Variants in C2CD3 observed in about 807,000 individuals in gnomAD.
The protein encoded by C2CD3 is C2 domain-containing protein 3.
In C2CD3, 148 loss-of-function variants were observed where a neutral mutation model predicts 234.0. The ratio of observed to expected loss-of-function variants is 0.63; its 90% CI spans 0.55 to 0.72. The LOEUF (loss-of-function observed/expected upper bound fraction) is 0.72. Among genes scored for constraint, C2CD3 ranks in the 30% least tolerant of loss-of-function variants. C2CD3 has a pLI of 0.00. For missense variants in C2CD3, 2,577 were observed against 2,811.5 expected, an observed-to-expected ratio of 0.92 and a Z score of 1.89; for synonymous variants, 1,000 against 1,035.4, an observed-to-expected ratio of 0.97 and a Z score of 0.66.
Position 74,100,612 on chromosome 11 carries a change from T to C in C2CD3, c.2645A>G (p.Glu882Gly), listed in dbSNP as rs749971308. ...ERLKNNVMVIETWNKVRSPGQ... is the reference protein window; with the variant it reads ...ERLKNNVMVIGTWNKVRSPGQ... Reference sequence around the variant, plus strand: ...TGGGCTCCGCACCTTATTCCAAGTTTCAATTACCATCACATTGTTCTTAAG... The same window carrying C: ...TGGGCTCCGCACCTTATTCCAAGTTCCAATTACCATCACATTGTTCTTAAG... Residue 882 changes from glutamate (E) to glycine (G), a missense_variant, in exon 15 of 33, where the codon GAA (glutamate) becomes GGA (glycine). Glu to Gly is a moderately conservative substitution (Grantham distance 98, BLOSUM62 -2). Transcript: ENST00000334126. 1 of 1,614,052 alleles carries C rather than the reference T, an allele frequency of 6.2e-7. No homozygotes were observed. The highest frequency in any genetic ancestry group is 1.3e-5 in the African/African-American group (1 of 75,046).
chr11:74,113,593 T>A lies in C2CD3; in HGVS notation c.1843+187A>T, dbSNP rs548253492. On this transcript the variant is annotated intron_variant, in intron 11 of 32. Coordinates refer to ENST00000334126, the MANE Select transcript of C2CD3 (RefSeq NM_001286577.2). ...TACTCAGGAGGCTGAGATGGGAGAA[T>A]CACTTGAACCCGGGAGGTGGAGGCT... is the stretch of plus-strand genomic sequence containing the variant. The A allele has an allele frequency of 3.5e-5, 20 of 577,012 alleles. No individual in the cohort carries two copies. The East Asian group carries it at 6.1e-4, about 17-fold the overall frequency. The allele number at this position is 577,012 out of a possible 1,614,324, so 35.7% of individuals were successfully genotyped here. A position where few individuals can be genotyped will look rare whatever the true frequency, so the allele number is the denominator to read the frequency against.
At position 74,154,595 on chromosome 11, in the gene C2CD3, T is replaced by C. The variant is rs1179426906; in HGVS notation, c.483+6804A>G. Among the ~76,000 whole-genome samples the C allele has an allele frequency of 7.9e-5, 12 of 151,810 alleles. No individual in the cohort carries two copies. In the East Asian group the frequency reaches 2.3e-3, roughly 29 times the overall value. ...AACAATCCACAGAAAGTATCGGGGG[T>C]TGATACATTTTCCTATGAATAGGCC... is the stretch of plus-strand genomic sequence containing the variant. On this transcript the variant is annotated intron_variant, in intron 3 of 32. Transcript: ENST00000334126.
At chr11:74,035,700 G>A (rs1387324419) in intron 30 of C2CD3, among the ~76,000 whole-genome samples, 2 of 151,494 alleles carry the variant, frequency 1.3e-5, no homozygotes, top group Non-Finnish European at 2.9e-5. Context: ...GCAGGGGCAG[G>A]CTTTTGCTGT....
At chr11:74,117,501 A>G (rs183458418) in intron 9 of C2CD3, among the ~76,000 whole-genome samples, 57 of 151,198 alleles carry the variant, frequency 3.8e-4, no homozygotes, top group African/African-American at 1.4e-3. Flanking sequence ...AGAAAACCAA[A>G]TATCATATGT....
chr11:74,135,326 G>A lies in C2CD3; in HGVS notation c.956-1769C>T, dbSNP rs575222662. On this transcript the variant is annotated intron_variant, in intron 5 of 32. Coordinates refer to ENST00000334126, the MANE Select transcript of C2CD3 (RefSeq NM_001286577.2). Reference sequence around the variant, plus strand: ...TCTGTTACCCAGGCTAGAGTGCACTGGCATGATCATGACTCACTGGAGCCT... The same window carrying A: ...TCTGTTACCCAGGCTAGAGTGCACTAGCATGATCATGACTCACTGGAGCCT... Among the ~76,000 whole-genome samples, 39 of 150,276 alleles carry A rather than the reference G, an allele frequency of 2.6e-4. 1 individual carries two copies. In the South Asian group the frequency reaches 8.0e-3, roughly 31 times the overall value.
intron 5 of C2CD3, among the ~76,000 whole-genome samples, chr11:74,134,247 C>T (rs1236593707): frequency 2.0e-5 from 3 of 152,228 alleles, no homozygotes; most frequent in East Asian, 1.9e-4. Context: ...AAGTTGTACA[C>T]GCAATACATC....
intron 22 of C2CD3, among the ~76,000 whole-genome samples, chr11:74,084,155 C>A (rs1021571800): frequency 1.3e-5 from 2 of 152,074 alleles, no homozygotes; most frequent in African/African-American, 4.8e-5. Flanking sequence ...GACATGGATG[C>A]AGCTGGAAAC....
chr11:74,068,893 C>G (rs953119442), intron 24 of C2CD3, among the ~76,000 whole-genome samples: 1 of 152,210 alleles, frequency 6.6e-6, no homozygotes, highest in African/African-American at 2.4e-5. Flanking sequence ...GCAACCTCCA[C>G]CTCCTGGGTT....
chr11:74,085,768 C>T lies in C2CD3; in HGVS notation c.3760G>A (p.Ala1254Thr). The T allele has an allele frequency of 4.3e-6, 7 of 1,614,054 alleles. No individual in the cohort carries two copies. Among genetic ancestry groups the T allele is most frequent in the Non-Finnish European group, 5.9e-6 (7 of 1,180,008 alleles). ...QGEQRRTHPV[A>T]CSFCPEFSHH... ...GAGAACTCAGGGCAGAAAGAACAGG[C>T]CACAGGGTGGGTTCGGCGCTGTTCT... The change falls in exon 21 of 33, where the codon GCC becomes ACC. Residue 1254 changes from alanine to threonine, a missense_variant. Physicochemically the swap from Ala to Thr is moderately conservative, Grantham distance 58 (BLOSUM62 0). Coordinates refer to ENST00000334126, the MANE Select transcript of C2CD3 (RefSeq NM_001286577.2).
chr11:74,035,599 C>G (rs1249642915), intron 30 of C2CD3, among the ~76,000 whole-genome samples: 3 of 152,102 alleles, frequency 2.0e-5, no homozygotes. Flanking sequence ...AAAAAAACCC[C>G]ACTCAGTAAC....
chr11:74,130,188 G>A (rs1957613244), intron 7 of C2CD3, among the ~76,000 whole-genome samples: 2 of 149,100 alleles, frequency 1.3e-5, no homozygotes, highest in Admixed American at 6.6e-5. Flanking sequence ...GATCCATTTT[G>A]AGTTAATTTT....
intron 8 of C2CD3, among the ~76,000 whole-genome samples, chr11:74,121,346 C>A (rs1032501008): frequency 6.6e-6 from 1 of 152,104 alleles, no homozygotes; most frequent in Non-Finnish European, 1.5e-5. Flanking sequence ...ATGGCTCACA[C>A]CTGTAATCCC....
chr11:74,123,445 C>T (rs1957289951), intron 7 of C2CD3, among the ~76,000 whole-genome samples: 1 of 152,094 alleles, frequency 6.6e-6, no homozygotes, highest in Admixed American at 6.6e-5. Flanking sequence ...TAAGCTAACA[C>T]AATCTGTACT....
rs1390289420 is a variant in C2CD3, at chr11:74,098,107, C to A, written c.2881G>T (p.Ala961Ser). The change falls in exon 16 of 33, where the codon GCA (alanine) becomes TCA (serine). Residue 961 changes from alanine to serine, a missense_variant. Transcript: ENST00000334126. Reference sequence around the variant, plus strand: ...TCTTCATTCTTTAATCTTTGTAGTGCCATTATTTGATTTGAAGAACCCATA... The same window carrying A: ...TCTTCATTCTTTAATCTTTGTAGTGACATTATTTGATTTGAAGAACCCATA... The part of the protein sequence containing the change: ...LAMGSSNQIM[A>S]LQRLKNEEGT... 5 of 1,613,852 alleles carry A rather than the reference C, an allele frequency of 3.1e-6. No individual in the cohort carries two copies. Among genetic ancestry groups the A allele is most frequent in the Non-Finnish European group, 4.2e-6 (5 of 1,179,964 alleles).
At chr11:74,116,908 ATG>A (rs199682181) in intron 9 of C2CD3, among the ~76,000 whole-genome samples, 22 of 119,784 alleles carry the variant, frequency 1.8e-4, no homozygotes, top group African/African-American at 6.6e-4. Context: ...ACACACGTGT[ATG>A]TATATATACA....
chr11:74,066,830 TC>T (rs1490077442), intron 24 of C2CD3, among the ~76,000 whole-genome samples: 2 of 152,176 alleles, frequency 1.3e-5, no homozygotes, highest in African/African-American at 4.8e-5. Context: ...TTTCAAACTT[TC>T]CCACCAAAGT....
chr11:74,045,249 A>AT (rs1285464570), intron 28 of C2CD3, among the ~76,000 whole-genome samples: 3 of 152,110 alleles, frequency 2.0e-5, no homozygotes, highest in African/African-American at 7.2e-5. Context: ...TTATTTTGAG[A>AT]TTATCAATTC....
At chr11:74,022,305 A>G (rs1216471103) in intron 32 of C2CD3, among the ~76,000 whole-genome samples, 2 of 152,144 alleles carry the variant, frequency 1.3e-5, no homozygotes, top group African/African-American at 4.8e-5. Flanking sequence ...GGCAGGAGTA[A>G]CTACATGGAT....
chr11:74,052,810 G>A (rs1387995739), intron 26 of C2CD3, among the ~76,000 whole-genome samples: 2 of 152,194 alleles, frequency 1.3e-5, no homozygotes, highest in Admixed American at 6.5e-5. Flanking sequence ...AGAAAGGTCA[G>A]TCAATTCCCT....
Sources: gnomAD v4.1 joint callset for allele counts (sites outside exome capture counted in the v4.1 genomes callset) on GRCh38, gnomAD v4.1.1 for gene constraint, MANE v1.5 for transcripts, NCBI Gene and HGNC (gene_info 2026-07-23, HGNC 2026-07-21) for gene names.